The following CLEC16A variants were observed in gnomAD, a reference collection of about 807,000 sequenced individuals.
CLEC16A encodes the protein C-type lectin domain containing 16A.
CLEC16A carries 51 observed loss-of-function variants against 109.5 expected under a neutral mutation model. That is an observed-to-expected ratio of 0.47 (90% CI 0.37 to 0.59). CLEC16A has a LOEUF of 0.59. CLEC16A is among the 20% of genes least tolerant of loss of function. The pLI, the probability that CLEC16A is intolerant of heterozygous loss-of-function variation, is 0.00. For synonymous variants in CLEC16A, 673 were observed against 564.2 expected (o/e 1.19, Z -2.73); for missense variants, 1,339 against 1,394.0 (o/e 0.96, Z 0.63).
chr16:11,139,724 A>G (rs137982473), intron 22 of CLEC16A, among the ~76,000 whole-genome samples: 115 of 152,352 alleles, frequency 7.5e-4, no homozygotes, highest in Admixed American at 2.3e-3. Context: ...TGGGGAGCAG[A>G]TGCTTCAACT....
chr16:11,051,759 C>G lies in CLEC16A; in HGVS notation c.1995+118C>G, dbSNP rs2047953559. On this transcript the variant is annotated intron_variant, in intron 18 of 23. Coordinates refer to ENST00000409790, the MANE Select transcript of CLEC16A (RefSeq NM_015226.3). ...GAGCCTGCCCTCAACACAGCTTAGACAGTGGATAGAGAGTACCCATTTGCC... is the reference window on the plus strand; with the variant it reads ...GAGCCTGCCCTCAACACAGCTTAGAGAGTGGATAGAGAGTACCCATTTGCC... The G allele has an allele frequency of 6.8e-6, 9 of 1,317,362 alleles. 1 individual carries two copies. In the Admixed American group the frequency reaches 1.5e-4, roughly 22 times the overall value. 81.6% of individuals were successfully genotyped at this position (1,317,362 alleles called of 1,614,324 possible). A position where few individuals can be genotyped will look rare whatever the true frequency, so the allele number is the denominator to read the frequency against.
intron 14 of CLEC16A, 113 bp from the exon 15 acceptor site, chr16:11,042,141 T>C (rs2047370722): frequency 1.6e-5 from 11 of 697,786 alleles, no homozygotes; most frequent in Non-Finnish European, 2.5e-5. Context: ...TTGGGAGCCA[T>C]GAGCAGTTGG....
At chr16:11,131,675 T>A (rs972427786) in intron 22 of CLEC16A, among the ~76,000 whole-genome samples, 1 of 152,168 alleles carries the variant, frequency 6.6e-6, no homozygotes, top group Non-Finnish European at 1.5e-5. Flanking sequence ...CCCACCAGCC[T>A]GTTAACTCCG....
intron 19 of CLEC16A, among the ~76,000 whole-genome samples, chr16:11,117,723 G>T (rs901152581): frequency 6.6e-6 from 1 of 152,114 alleles, no homozygotes; most frequent in Non-Finnish European, 1.5e-5. Context: ...ACTGTCCACA[G>T]TTCGGTTAAA....
intron 6 of CLEC16A, 25 bp from the exon 7 acceptor site, chr16:10,972,913 T>G (rs1297177183): frequency 6.4e-7 from 1 of 1,569,378 alleles, no homozygotes. Flanking sequence ...GCTTGACTTT[T>G]TTTTTCTTCT....
chr16:10,945,054 A>G (rs764889754), intron 1 of CLEC16A, among the ~76,000 whole-genome samples: 14 of 152,196 alleles, frequency 9.2e-5, no homozygotes, highest in Non-Finnish European at 1.9e-4. Flanking sequence ...AAGCGAGAGG[A>G]TGCGATTTCA....
chr16:10,973,964 A>G (rs538336511), intron 7 of CLEC16A, among the ~76,000 whole-genome samples: 10 of 130,044 alleles, frequency 7.7e-5, no homozygotes, highest in East Asian at 2.2e-4. Context: ...CAGTGGTGCA[A>G]TCTTGGCTCA....
intron 11 of CLEC16A, among the ~76,000 whole-genome samples, chr16:11,006,112 T>C (rs910831427): frequency 6.6e-6 from 1 of 152,140 alleles, no homozygotes; most frequent in African/African-American, 2.4e-5. Flanking sequence ...GCTCACATCG[T>C]CCCAGCTTGG....
chr16:11,027,205 A>G (rs2046457309), intron 13 of CLEC16A: 2 of 1,406,386 alleles, frequency 1.4e-6, no homozygotes, highest in Non-Finnish European at 2.0e-6. Context: ...GATTACTGGC[A>G]GCAGAAACCT....
intron 1 of CLEC16A, among the ~76,000 whole-genome samples, chr16:10,948,668 A>G (rs997304468): frequency 6.6e-6 from 1 of 152,144 alleles, no homozygotes; most frequent in Non-Finnish European, 1.5e-5. Flanking sequence ...GGTTCCAGTG[A>G]CAGAAACCCA....
At chr16:11,091,430 G>C (rs184525935) in intron 19 of CLEC16A, among the ~76,000 whole-genome samples, 173 of 152,326 alleles carry the variant, frequency 1.1e-3, no homozygotes, top group African/African-American at 4.1e-3. Context: ...TGAAGGCTGT[G>C]ATTCACCTCG....
At chr16:11,042,723 A>G (rs2047408290) in intron 15 of CLEC16A, among the ~76,000 whole-genome samples, 1 of 152,152 alleles carries the variant, frequency 6.6e-6, no homozygotes, top group Non-Finnish European at 1.5e-5. Context: ...TTTTGTGTTT[A>G]AAATATATGT....
intron 19 of CLEC16A, among the ~76,000 whole-genome samples, chr16:11,111,362 G>A (rs1283418792): frequency 6.6e-6 from 1 of 152,170 alleles, no homozygotes; most frequent in Non-Finnish European, 1.5e-5. Context: ...CTCTCTGTGG[G>A]TGTCTCCATG....
At chr16:10,979,024 C>A (rs367604940) in intron 8 of CLEC16A, among the ~76,000 whole-genome samples, 2 of 152,052 alleles carry the variant, frequency 1.3e-5, no homozygotes, top group African/African-American at 4.8e-5. Flanking sequence ...GTCCAGTGCC[C>A]CAGCTGGTAC....
intron 22 of CLEC16A, among the ~76,000 whole-genome samples, chr16:11,130,212 G>T (rs77085782): frequency 6.6e-6 from 1 of 152,174 alleles, no homozygotes; most frequent in Admixed American, 6.5e-5. Flanking sequence ...CTAGCTCTGT[G>T]CCCCCACTTA....
chr16:10,996,649 C>A (rs1481216493), intron 10 of CLEC16A, among the ~76,000 whole-genome samples: 1 of 152,182 alleles, frequency 6.6e-6, no homozygotes, highest in Non-Finnish European at 1.5e-5. Flanking sequence ...GCGGCCCCAT[C>A]ACTCTTGTGT....
intron 19 of CLEC16A, among the ~76,000 whole-genome samples, chr16:11,112,638 C>G (rs565075045): frequency 1.1e-4 from 17 of 152,264 alleles, no homozygotes; most frequent in African/African-American, 3.9e-4. Context: ...GCAGTCCAGC[C>G]TGGGTGACAG....
chr16:11,179,105 A>T lies in CLEC16A; in HGVS notation c.*415A>T, dbSNP rs1035499834. 1.1e-5 allele frequency: 2 copies of T among 178,530 alleles called. No homozygotes were observed. The highest frequency in any genetic ancestry group is 1.2e-5 in the Non-Finnish European group (1 of 86,242). The allele number at this position is 178,530 out of a possible 1,614,324, so 11.1% of individuals were successfully genotyped here. A position where few individuals can be genotyped will look rare whatever the true frequency, so the allele number is the denominator to read the frequency against. Reference sequence around the variant, plus strand: ...TACGTAGAAATTTGTAGAAAAGCAGACTTAGATAAACATCTCCTTTGGATA... The same window carrying T: ...TACGTAGAAATTTGTAGAAAAGCAGTCTTAGATAAACATCTCCTTTGGATA... On this transcript the variant is annotated 3_prime_UTR_variant, in exon 24 of 24. Coordinates refer to ENST00000409790, the MANE Select transcript of CLEC16A (RefSeq NM_015226.3).
chr16:11,017,097 A>G (rs1335063874), intron 11 of CLEC16A, among the ~76,000 whole-genome samples: 1 of 151,806 alleles, frequency 6.6e-6, no homozygotes, highest in African/African-American at 2.4e-5. Flanking sequence ...ATATCTCCCC[A>G]CGAGAACACT....
Sources: allele counts gnomAD v4.1 joint callset (sites outside exome capture counted in the v4.1 genomes callset), GRCh38; gene constraint gnomAD v4.1.1; transcripts MANE v1.5; gene names NCBI Gene and HGNC (gene_info 2026-07-23, HGNC 2026-07-21).